ABCC1: variants seen among roughly 807,000 people sequenced by gnomAD.
ABCC1 encodes ATP binding cassette subfamily C member 1 (ABCC1 blood group).
Under a neutral mutation model 172.9 loss-of-function variants are expected in ABCC1, and 83 were observed. That is an observed-to-expected ratio of 0.48 (90% CI 0.40 to 0.58). The LOEUF (loss-of-function observed/expected upper bound fraction) is 0.58, where lower values mean the gene tolerates loss of function less well. ABCC1 is among the 20% of genes least tolerant of loss of function. ABCC1 has a pLI of 0.00. For synonymous variants in ABCC1, 937 were observed against 825.2 expected (o/e 1.14, Z -2.32); for missense variants, 1,817 against 2,002.7 (o/e 0.91, Z 1.77).
intron 1 of ABCC1, among the ~76,000 whole-genome samples, chr16:15,978,904 C>T (rs1175901749): frequency 1.3e-5 from 2 of 152,080 alleles, no homozygotes; most frequent in East Asian, 1.9e-4. Flanking sequence ...ACAGACGTAT[C>T]CAGCCTAAAA....
At position 16,128,597 on chromosome 16, in the gene ABCC1, T is replaced by C. The variant is rs191032612; in HGVS notation, c.3819+2686T>C. ...TGTATTTTTATATATAGATAGAAAG[T>C]TCCACATACTTCTCTCCATTCCGCT... is the stretch of plus-strand genomic sequence containing the variant. On this transcript the variant is annotated intron_variant, in intron 26 of 30. Transcript: ENST00000399410. 3.3e-5 allele frequency among the ~76,000 whole-genome samples: 5 copies of C among 152,350 alleles called. No individual in the cohort carries two copies. The South Asian group carries it at 6.2e-4, about 19-fold the overall frequency.
chr16:16,139,807 T>A (rs2046064939), intron 30 of ABCC1, among the ~76,000 whole-genome samples: 1 of 152,058 alleles, frequency 6.6e-6, no homozygotes, highest in African/African-American at 2.4e-5. Context: ...GTGGGTCATC[T>A]CTGAAGAGGT....
In ABCC1 at chr16:16,134,442, C is replaced by T. The variant is rs758803716; in HGVS notation, c.4059C>T (p.Ile1353=). The T allele has an allele frequency of 4.3e-6, 7 of 1,614,134 alleles. No homozygotes were observed. The highest frequency in any genetic ancestry group is 2.7e-5 in the African/African-American group (2 of 75,038). Residue 1353 remains isoleucine (I), a synonymous_variant, in exon 28 of 31, where the codon ATC becomes ATT. Transcript: ENST00000399410. ...AGTCTGCCGAAGGAGAGATCATCATCGATGGCATCAACATCGCCAAGATCG... is the reference window on the plus strand; with the variant it reads ...AGTCTGCCGAAGGAGAGATCATCATTGATGGCATCAACATCGCCAAGATCG... ...INESAEGEII[I]DGINIAKIGL... is the part of the protein sequence containing the mutation.
chr16:16,006,718 T>C (rs1447121767), intron 1 of ABCC1, among the ~76,000 whole-genome samples: 1 of 152,212 alleles, frequency 6.6e-6, no homozygotes, highest in Admixed American at 6.5e-5. Flanking sequence ...ATTTAACCCT[T>C]CTGTGCCTGA....
At chr16:15,980,395 G>C (rs992690830) in intron 1 of ABCC1, among the ~76,000 whole-genome samples, 4 of 152,074 alleles carry the variant, frequency 2.6e-5, no homozygotes, top group Non-Finnish European at 5.9e-5. Flanking sequence ...TAGTTTATAA[G>C]GGAAAGAGGT....
intron 1 of ABCC1, among the ~76,000 whole-genome samples, chr16:15,984,405 G>T (rs556206991): frequency 2.6e-5 from 4 of 151,386 alleles, no homozygotes; most frequent in Non-Finnish European, 4.4e-5. Context: ...AGAGGCAATT[G>T]CATTTGGGCA....
At chr16:16,103,354 C>T (rs559390499) in intron 20 of ABCC1, among the ~76,000 whole-genome samples, 77 of 151,892 alleles carry the variant, frequency 5.1e-4, no homozygotes, top group Non-Finnish European at 7.9e-4. Context: ...CTGAGGCGGG[C>T]GGATCACCTG....
intron 1 of ABCC1, among the ~76,000 whole-genome samples, chr16:15,999,983 T>C (rs924132782): frequency 2.0e-5 from 3 of 149,688 alleles, no homozygotes; most frequent in Non-Finnish European, 4.4e-5. Context: ...GCCTCCCGAG[T>C]AGCTGGGACT....
chr16:16,042,173 G>GTTTTTT (rs57457665), intron 7 of ABCC1, among the ~76,000 whole-genome samples: 1 of 133,798 alleles, frequency 7.5e-6, no homozygotes. Context: ...GAGTTTGGCA[G>GTTTTTT]TTTTTTTTTT....
intron 1 of ABCC1, among the ~76,000 whole-genome samples, chr16:15,986,723 C>T (rs1429927639): frequency 6.6e-6 from 1 of 152,172 alleles, no homozygotes; most frequent in Admixed American, 6.5e-5. Flanking sequence ...GTCCCTTTTG[C>T]CATGAAAGGT....
In ABCC1 at chr16:16,083,621, T is replaced by A. The variant is rs1330219506; in HGVS notation, c.2292+79T>A. 3.2e-6 allele frequency: 5 copies of A among 1,545,320 alleles called. 1 individual carries two copies. In the Middle Eastern group the frequency reaches 9.4e-4, roughly 291 times the overall value. On this transcript the variant is annotated intron_variant, in intron 17 of 30. Coordinates refer to ENST00000399410, the MANE Select transcript of ABCC1 (RefSeq NM_004996.4). The stretch of plus-strand genomic sequence containing the variant: ...AAATGCTCTCACAATCTCAGTGGGC[T>A]GTGAGTCTGCTGCTATCAGCTGACC...
At chr16:15,954,830 A>G (rs1227414023) in intron 1 of ABCC1, among the ~76,000 whole-genome samples, 1 of 152,162 alleles carries the variant, frequency 6.6e-6, no homozygotes, top group Non-Finnish European at 1.5e-5. Context: ...TGTGGACACA[A>G]CTTTTAGGAA....
At position 16,077,373 on chromosome 16, in the gene ABCC1, T is replaced by C. The variant is rs115463699; in HGVS notation, c.1988+972T>C. ...TATGTCTAACTTAAATCCTGCCTGC[T>C]TCAATTGTAGCTGTTCTGTCTTGTT... On this transcript the variant is annotated intron_variant, in intron 15 of 30. Transcript: ENST00000399410. Among the ~76,000 whole-genome samples the C allele has an allele frequency of 6.4e-3, 975 of 152,340 alleles. 14 individuals carry two copies. The highest frequency in any genetic ancestry group is 0.022 in the African/African-American group (929 of 41,588).
rs552700313 is a variant in ABCC1, at chr16:16,013,950, C to A, written c.352-541C>A. Among the ~76,000 whole-genome samples, 3 of 152,096 alleles carry A rather than the reference C, an allele frequency of 2.0e-5. No homozygotes were observed. In the South Asian group the frequency reaches 6.2e-4, roughly 31 times the overall value. ...ATGGGGCAGAGGCTGACCCCGGGAA[C>A]GTTGAGCATCAGGGCAAGTGGGTTT... On this transcript the variant is annotated intron_variant, in intron 3 of 30. Transcript: ENST00000399410.
intron 21 of ABCC1, 35 bp from the exon 22 acceptor site, chr16:16,111,340 A>C: frequency 6.8e-7 from 1 of 1,468,888 alleles, no homozygotes; most frequent in East Asian, 2.3e-5. Flanking sequence ...GGGTGCGTGC[A>C]TGTGCTAAGC....
chr16:16,096,954 A>G (rs1003124601), intron 19 of ABCC1, among the ~76,000 whole-genome samples: 2 of 152,000 alleles, frequency 1.3e-5, no homozygotes, highest in South Asian at 4.1e-4. Flanking sequence ...ACTTTATAGC[A>G]TTCTCCACCC....
intron 18 of ABCC1, among the ~76,000 whole-genome samples, chr16:16,087,395 T>G (rs1416371607): frequency 6.6e-6 from 1 of 152,132 alleles, no homozygotes; most frequent in African/African-American, 2.4e-5. Context: ...AGGAAATAGT[T>G]CCTGTGTTCT....
At chr16:15,973,088 C>T (rs1401687849) in intron 1 of ABCC1, among the ~76,000 whole-genome samples, 1 of 151,972 alleles carries the variant, frequency 6.6e-6, no homozygotes, top group Non-Finnish European at 1.5e-5. Context: ...AGCCATCACA[C>T]TCAGCTAATG....
At chr16:16,076,261 G>T in intron 14 of ABCC1, 65 bp from the exon 15 acceptor site, 1 of 1,482,382 alleles carries the variant, frequency 6.7e-7, no homozygotes, top group Non-Finnish European at 9.4e-7. Flanking sequence ...CAGAGAAAGA[G>T]AGTGTTCTGT....
Sources: gnomAD v4.1 joint callset for allele counts (sites outside exome capture counted in the v4.1 genomes callset) on GRCh38, gnomAD v4.1.1 for gene constraint, MANE v1.5 for transcripts, NCBI Gene and HGNC (gene_info 2026-07-23, HGNC 2026-07-21) for gene names.